Variants in SAMMSON observed in about 807,000 individuals in gnomAD.
SAMMSON encodes the protein survival associated mitochondrial melanoma specific oncogenic non-coding RNA.
chr3:70,079,880 GTGC>G (rs2067261804), intron 4 of SAMMSON, among the ~76,000 whole-genome samples: 1 of 152,174 alleles, frequency 6.6e-6, no homozygotes, highest in Non-Finnish European at 1.5e-5. Context: ...GCTGCTGTGA[GTGC>G]TGCAGCTAAC....
intron 3 of SAMMSON, among the ~76,000 whole-genome samples, chr3:70,020,105 T>G (rs1349140456): frequency 6.6e-6 from 1 of 152,138 alleles, no homozygotes; most frequent in Non-Finnish European, 1.5e-5. Context: ...AATGATGGTG[T>G]TCCTGCAGCA....
At chr3:70,104,764 G>T (rs1205824985) in intron 4 of SAMMSON, among the ~76,000 whole-genome samples, 1 of 152,100 alleles carries the variant, frequency 6.6e-6, no homozygotes, top group Non-Finnish European at 1.5e-5. Context: ...CCTGGGGTGT[G>T]TATCTCTATG....
At chr3:70,401,045 A>C (rs1047360848) in intron 2 of SAMMSON, among the ~76,000 whole-genome samples, 1 of 152,212 alleles carries the variant, frequency 6.6e-6, no homozygotes, top group African/African-American at 2.4e-5. Context: ...ACTAATGTCA[A>C]TGTTATCCAC....
At chr3:70,389,004 C>T (rs1400640854) in intron 9 of SAMMSON, among the ~76,000 whole-genome samples, 1 of 151,956 alleles carries the variant, frequency 6.6e-6, no homozygotes, top group Non-Finnish European at 1.5e-5. Flanking sequence ...TGAATTAGTT[C>T]CTGAGAGAGC....
intron 4 of SAMMSON, among the ~76,000 whole-genome samples, chr3:70,242,234 A>G (rs189049904): frequency 9.9e-5 from 15 of 152,274 alleles, no homozygotes. Context: ...CATTTCATTC[A>G]TATGCCTCCA....
At chr3:70,382,260 C>T (rs980633265) in intron 9 of SAMMSON, among the ~76,000 whole-genome samples, 3 of 152,090 alleles carry the variant, frequency 2.0e-5, no homozygotes, top group Non-Finnish European at 4.4e-5. Flanking sequence ...TATTTCTTCT[C>T]TCTTTCTCTT....
At chr3:70,428,538 T>C (rs1447434495) in intron 2 of SAMMSON, among the ~76,000 whole-genome samples, 1 of 152,200 alleles carries the variant, frequency 6.6e-6, no homozygotes, top group Non-Finnish European at 1.5e-5. Context: ...AAAAAAGAAC[T>C]TGGAATCCAA....
intron 4 of SAMMSON, among the ~76,000 whole-genome samples, chr3:70,232,403 T>C (rs968546049): frequency 3.7e-5 from 5 of 136,768 alleles, no homozygotes; most frequent in Non-Finnish European, 1.7e-5. Flanking sequence ...ATGATGTTCC[T>C]ATTTTTTTTT....
intron 2 of SAMMSON, among the ~76,000 whole-genome samples, chr3:70,430,969 A>T (rs1364322888): frequency 6.6e-6 from 1 of 152,076 alleles, no homozygotes; most frequent in African/African-American, 2.4e-5. Context: ...TGAGAAATTA[A>T]TATATTTCAA....
At chr3:70,375,256 T>G (rs1703004095) in intron 9 of SAMMSON, among the ~76,000 whole-genome samples, 1 of 152,210 alleles carries the variant, frequency 6.6e-6, no homozygotes, top group Non-Finnish European at 1.5e-5. Flanking sequence ...CTTTGTATAA[T>G]GTTCTTGCAT....
At chr3:70,192,994 A>G (rs1024904530) in intron 4 of SAMMSON, among the ~76,000 whole-genome samples, 2 of 152,146 alleles carry the variant, frequency 1.3e-5, no homozygotes, top group African/African-American at 4.8e-5. Flanking sequence ...TTCTATCCAC[A>G]AGATTCTAGT....
chr3:70,164,060 G>A (rs1399289823), intron 4 of SAMMSON, among the ~76,000 whole-genome samples: 1 of 151,976 alleles, frequency 6.6e-6, no homozygotes, highest in Non-Finnish European at 1.5e-5. Context: ...GGAGACACTG[G>A]TCCATTGGCC....
intron 6 of SAMMSON, among the ~76,000 whole-genome samples, chr3:70,287,972 G>A (rs990062026): frequency 2.0e-5 from 3 of 151,998 alleles, no homozygotes; most frequent in African/African-American, 7.3e-5. Context: ...AGTCTTGCTA[G>A]CAGTCTATCT....
At chr3:70,418,944 C>CCTTTCCTTTCCTTT (rs1701286642) in intron 2 of SAMMSON, among the ~76,000 whole-genome samples, 1 of 96,668 alleles carries the variant, frequency 1.0e-5, no homozygotes, top group Non-Finnish European at 2.5e-5. Flanking sequence ...CCTTTCCTTT[C>CCTTTCCTTTCCTTT]CTTTCCTTTC....
intron 4 of SAMMSON, among the ~76,000 whole-genome samples, chr3:70,134,087 C>CA (rs1157606808): frequency 0.23 from 14,183 of 60,480 alleles, 902 homozygotes; most frequent in South Asian, 0.35. Flanking sequence ...ACTGAAAATA[C>CA]AAAAAAAAAA....
intron 3 of SAMMSON, among the ~76,000 whole-genome samples, chr3:70,019,738 G>T (rs979712346): frequency 1.9e-4 from 29 of 152,122 alleles, no homozygotes; most frequent in African/African-American, 7.0e-4. Context: ...TCCTTTCCAT[G>T]TTTGTGCTTC....
At chr3:70,241,663 C>T (rs1158477248) in intron 4 of SAMMSON, among the ~76,000 whole-genome samples, 1 of 152,156 alleles carries the variant, frequency 6.6e-6, no homozygotes, top group Non-Finnish European at 1.5e-5. Context: ...GAAGCAAATA[C>T]TTTAACCAAA....
At position 70,240,053 on chromosome 3, in the gene SAMMSON, A is replaced by G. The variant is rs1412548809; in HGVS notation, n.508-9054A>G. ...GTTAATGATAGTTTTGAGTGCTTCA[A>G]TGCTCAATACATCAGTATGGATTTT... is the stretch of plus-strand genomic sequence containing the variant. On this transcript the variant is annotated intron_variant and non_coding_transcript_variant, in intron 4 of 9. Coordinates refer to ENST00000642114, the Ensembl canonical transcript of SAMMSON. Among the ~76,000 whole-genome samples, 10 of 152,132 alleles carry G rather than the reference A, an allele frequency of 6.6e-5. No homozygotes were observed. In the South Asian group the frequency reaches 1.2e-3, roughly 19 times the overall value.
chr3:70,156,905 G>A (rs2067594199), intron 4 of SAMMSON, among the ~76,000 whole-genome samples: 1 of 152,072 alleles, frequency 6.6e-6, no homozygotes, highest in South Asian at 2.1e-4. Context: ...AATGTTTGCA[G>A]TATTTTGAGA....
Sources: allele counts gnomAD v4.1 joint callset (sites outside exome capture counted in the v4.1 genomes callset), GRCh38; gene constraint gnomAD v4.1.1; transcripts MANE v1.5; gene names NCBI Gene and HGNC (gene_info 2026-07-23, HGNC 2026-07-21).